ZFAT: variants seen among roughly 807,000 people sequenced by gnomAD.
The protein encoded by ZFAT is zinc finger protein ZFAT.
Under a neutral mutation model 117.7 loss-of-function variants are expected in ZFAT, and 64 were observed. That is an observed-to-expected ratio of 0.54 (90% CI 0.44 to 0.67). The LOEUF is 0.67. ZFAT is among the 30% of genes least tolerant of loss of function. ZFAT has a pLI of 0.00. For synonymous variants in ZFAT, 679 were observed against 615.0 expected (o/e 1.10, Z -1.54); for missense variants, 1,433 against 1,584.5 (o/e 0.90, Z 1.62).
chr8:134,563,822 T>C (rs1246501616), intron 11 of ZFAT, among the ~76,000 whole-genome samples: 3 of 152,156 alleles, frequency 2.0e-5, no homozygotes, highest in Non-Finnish European at 4.4e-5. Context: ...CCCAGTGCTT[T>C]CTTTCTGTGT....
chr8:134,694,106 C>T (rs930997439), intron 1 of ZFAT, among the ~76,000 whole-genome samples: 3 of 152,280 alleles, frequency 2.0e-5, no homozygotes, highest in Middle Eastern at 3.4e-3. Context: ...AGAGGCAGCG[C>T]TCCACATTCA....
At chr8:134,483,667 C>A (rs1586553577) in intron 15 of ZFAT, among the ~76,000 whole-genome samples, 2 of 152,196 alleles carry the variant, frequency 1.3e-5, no homozygotes, top group Admixed American at 6.5e-5. Flanking sequence ...AAATTAGCAG[C>A]AGCATAGATA....
chr8:134,588,852 G>A (rs1826251056), intron 8 of ZFAT, among the ~76,000 whole-genome samples: 1 of 152,210 alleles, frequency 6.6e-6, no homozygotes, highest in African/African-American at 2.4e-5. Context: ...ACTGATAATA[G>A]GTGGCAATAA....
At chr8:134,638,469 G>A (rs1035814368) in intron 2 of ZFAT, among the ~76,000 whole-genome samples, 5 of 151,686 alleles carry the variant, frequency 3.3e-5, no homozygotes, top group Non-Finnish European at 7.4e-5. Context: ...ACTTTGGGAG[G>A]CCGAGGTGGG....
chr8:134,761,002 G>A, the ZFAT span, among the ~76,000 whole-genome samples: 1 of 152,168 alleles, frequency 6.6e-6, no homozygotes, highest in Non-Finnish European at 1.5e-5. Flanking sequence ...CACCGGAAGG[G>A]ATCACATGTT....
At chr8:134,534,167 G>T (rs1821642168) in intron 11 of ZFAT, among the ~76,000 whole-genome samples, 1 of 152,200 alleles carries the variant, frequency 6.6e-6, no homozygotes, top group Non-Finnish European at 1.5e-5. Flanking sequence ...TCAGGGAAAT[G>T]AGGCTCATGC....
the ZFAT span, among the ~76,000 whole-genome samples, chr8:134,770,810 G>T: frequency 6.6e-6 from 1 of 152,156 alleles, no homozygotes; most frequent in Non-Finnish European, 1.5e-5. Context: ...CTCTAAACTG[G>T]GCCCCCTGGG....
At chr8:134,705,331 G>C (rs1834119321) in intron 1 of ZFAT, among the ~76,000 whole-genome samples, 1 of 150,564 alleles carries the variant, frequency 6.6e-6, no homozygotes, top group Non-Finnish European at 1.5e-5. Context: ...CTCCTGATTA[G>C]CTGGGACCAA....
intron 1 of ZFAT, among the ~76,000 whole-genome samples, chr8:134,685,149 G>A (rs1833259577): frequency 6.6e-6 from 1 of 152,046 alleles, no homozygotes; most frequent in Admixed American, 6.5e-5. Context: ...AGTACATGGT[G>A]TCATCCCCAT....
chr8:134,560,619 G>A (rs16905178), intron 11 of ZFAT, among the ~76,000 whole-genome samples: 5,404 of 152,142 alleles, frequency 0.036, 346 homozygotes, highest in African/African-American at 0.12. Flanking sequence ...ATAATGATAC[G>A]TGGACTTATC....
rs188919168 is a variant in ZFAT, at chr8:134,667,472, G to A, written c.20-9735C>T. Reference sequence around the variant, plus strand: ...CGCACCACTGCACTCCAGCCTGGGCGACAGAGTGAGACTAAGTCTCAAAAA... The same window carrying A: ...CGCACCACTGCACTCCAGCCTGGGCAACAGAGTGAGACTAAGTCTCAAAAA... On this transcript the variant is annotated intron_variant, in intron 1 of 15. Coordinates refer to ENST00000377838, the MANE Select transcript of ZFAT (RefSeq NM_020863.4). Among the ~76,000 whole-genome samples, 8 of 130,384 alleles carry A rather than the reference G, an allele frequency of 6.1e-5. No homozygotes were observed. The East Asian group carries it at 1.6e-3, about 25-fold the overall frequency. The allele number at this position is 130,384 out of a possible 152,430, so 85.5% of individuals were successfully genotyped here. A position where few individuals can be genotyped will look rare whatever the true frequency, so the allele number is the denominator to read the frequency against.
At chr8:134,483,680 T>G (rs1209305023) in intron 15 of ZFAT, among the ~76,000 whole-genome samples, 2 of 152,178 alleles carry the variant, frequency 1.3e-5, no homozygotes, top group Non-Finnish European at 2.9e-5. Flanking sequence ...CATAGATAGC[T>G]CGATAGAAAC....
intron 1 of ZFAT, among the ~76,000 whole-genome samples, chr8:134,707,448 A>G (rs985193967): frequency 2.6e-5 from 4 of 152,210 alleles, no homozygotes; most frequent in Admixed American, 2.6e-4. Context: ...TTAATAAGCA[A>G]TAATAATAAC....
At chr8:134,619,474 A>G (rs1187759094) in intron 3 of ZFAT, among the ~76,000 whole-genome samples, 1 of 152,084 alleles carries the variant, frequency 6.6e-6, no homozygotes, top group Non-Finnish European at 1.5e-5. Context: ...CATCTCACAC[A>G]AACAGTCCCT....
chr8:134,508,461 C>T (rs564838799), intron 15 of ZFAT, among the ~76,000 whole-genome samples: 2 of 152,338 alleles, frequency 1.3e-5, no homozygotes, highest in East Asian at 1.9e-4. Flanking sequence ...TTCTGTTACA[C>T]AATTCAGTAA....
chr8:134,683,082 G>A (rs1464209248), intron 1 of ZFAT, among the ~76,000 whole-genome samples: 1 of 152,160 alleles, frequency 6.6e-6, no homozygotes, highest in African/African-American at 2.4e-5. Context: ...GGAATAATAC[G>A]CTTTGCAGCC....
the ZFAT span, among the ~76,000 whole-genome samples, chr8:134,810,828 C>T: frequency 2.6e-5 from 4 of 152,060 alleles, no homozygotes; most frequent in Non-Finnish European, 4.4e-5. Flanking sequence ...TTTTTGAAAA[C>T]CTTCCCCCTG....
chr8:134,599,024 ACT>A (rs1163741370), intron 7 of ZFAT: 2 of 152,156 alleles, frequency 1.3e-5, no homozygotes, highest in African/African-American at 4.8e-5. Flanking sequence ...CTCCCTCCCG[ACT>A]TCATATGAGT....
upstream of ZFAT, among the ~76,000 whole-genome samples, chr8:134,717,833 T>A (rs1814229333): frequency 2.0e-5 from 3 of 151,960 alleles, no homozygotes; most frequent in Non-Finnish European, 4.4e-5. Flanking sequence ...TAATTGGGAT[T>A]ACAAGCGCTT....
Sources: allele counts gnomAD v4.1 joint callset (sites outside exome capture counted in the v4.1 genomes callset), GRCh38; gene constraint gnomAD v4.1.1; transcripts MANE v1.5; gene names NCBI Gene and HGNC (gene_info 2026-07-23, HGNC 2026-07-21).